Variants in ACTL8 observed in about 807,000 individuals in gnomAD.
ACTL8 encodes the protein actin-like protein 8.
ACTL8 carries 3 observed loss-of-function variants against 9.3 expected under a neutral mutation model. The observed-to-expected ratio is 0.32, with a 90% CI of 0.15 to 0.83. The LOEUF (loss-of-function observed/expected upper bound fraction) is 0.83. ACTL8 is among the 40% of genes least tolerant of loss of function. The pLI is 0.57. For missense variants in ACTL8, 381 were observed against 492.2 expected (o/e 0.77, Z 2.14); for synonymous variants, 224 against 205.9 (o/e 1.09, Z -0.75).
chr1:17,763,113 A>G (rs991541120), intron 1 of ACTL8, among the ~76,000 whole-genome samples: 4 of 152,180 alleles, frequency 2.6e-5, no homozygotes, highest in African/African-American at 9.7e-5. Flanking sequence ...TCCTGCAATG[A>G]AAGAGCCTGG....
At position 17,823,909 on chromosome 1, in the gene ACTL8, A is replaced by G. The variant is rs138019375; in HGVS notation, c.348+553A>G. On this transcript the variant is annotated intron_variant, in intron 2 of 2. Coordinates refer to ENST00000375406, the MANE Select transcript of ACTL8 (RefSeq NM_030812.3). The surrounding 1 kb of genome is among the most constrained non-coding windows in gnomAD (Gnocchi z 5.3). Reference sequence around the variant, plus strand: ...AAAGGGGGTTACCAGGGAGACGTGGAATATTTGCTTATGGATTCCATAATT... The same window carrying G: ...AAAGGGGGTTACCAGGGAGACGTGGGATATTTGCTTATGGATTCCATAATT... Among the ~76,000 whole-genome samples, 536 of 152,302 alleles carry G rather than the reference A, an allele frequency of 3.5e-3. 4 individuals carry two copies. Among genetic ancestry groups the G allele is most frequent in the African/African-American group, 0.012 (507 of 41,560 alleles).
In ACTL8 at chr1:17,819,653, G is replaced by C. The variant is rs1317465975; in HGVS notation, c.-24-3332G>C. ...AGTCTAGGCACCCAGTCTGCTGTCT[G>C]TCTGACAATTTGTATTCTGCAAGAT... is the stretch of plus-strand genomic sequence containing the variant. On this transcript the variant is annotated intron_variant, in intron 1 of 2. Transcript: ENST00000375406. 5.3e-5 allele frequency among the ~76,000 whole-genome samples: 8 copies of C among 152,346 alleles called. No individual in the cohort carries two copies. The East Asian group carries it at 1.5e-3, about 29-fold the overall frequency.
rs188296242 is a variant in ACTL8, at chr1:17,784,475, C to G, written c.-25+28971C>G. ...ATTAGAAAGCGAGTTCCATTGTCCT[C>G]TGTGGGTGAAGAACAAGTACCATAT... On this transcript the variant is annotated intron_variant, in intron 1 of 2. Transcript: ENST00000375406. 6.9e-4 allele frequency among the ~76,000 whole-genome samples: 105 copies of G among 152,318 alleles called. 1 individual carries two copies. The highest frequency in any genetic ancestry group is 2.5e-3 in the African/African-American group (102 of 41,562).
At chr1:17,811,157 A>G (rs573644445) in intron 1 of ACTL8, among the ~76,000 whole-genome samples, 1 of 152,286 alleles carries the variant, frequency 6.6e-6, no homozygotes, top group East Asian at 1.9e-4. Flanking sequence ...ATTGTCCTTA[A>G]AATTTTATGG....
At chr1:17,825,654 C>A in intron 2 of ACTL8, 113 bp from the exon 3 acceptor site, 3 of 1,373,276 alleles carry the variant, frequency 2.2e-6, no homozygotes, top group Non-Finnish European at 2.9e-6. Context: ...CTGGGCGCAG[C>A]ATCCTGGGGC....
intron 1 of ACTL8, among the ~76,000 whole-genome samples, chr1:17,792,062 A>G (rs760818195): frequency 3.3e-5 from 5 of 152,132 alleles, no homozygotes; most frequent in Admixed American, 6.5e-5. Context: ...CTTAACCCCA[A>G]TGGGCCCCTC....
intron 1 of ACTL8, among the ~76,000 whole-genome samples, chr1:17,821,187 A>G (rs1195743734): frequency 6.6e-6 from 1 of 151,824 alleles, no homozygotes; most frequent in East Asian, 1.9e-4. Flanking sequence ...TATTAAATAT[A>G]TGATTTGTAA....
intron 1 of ACTL8, among the ~76,000 whole-genome samples, chr1:17,799,238 A>G (rs11582475): frequency 0.16 from 24,935 of 152,202 alleles, 2,789 homozygotes; most frequent in African/African-American, 0.31. Context: ...GCTCACTCCC[A>G]CCAGCGGGGT....
In ACTL8 at chr1:17,767,113, AC is replaced by A. The variant is rs893245859; in HGVS notation, c.-25+11610del. The stretch of plus-strand genomic sequence containing the variant: ...CAGTGGTCAGGGACGGGGGAAGCAG[AC>A]ACCTGAGGGGGAAGCGAGACGGGTG... On this transcript the variant is annotated intron_variant, in intron 1 of 2. Transcript: ENST00000375406. The surrounding 1 kb of genome is among the most constrained non-coding windows in gnomAD (Gnocchi z 4.7). 6.6e-6 allele frequency among the ~76,000 whole-genome samples: 1 copy of A among 152,134 alleles called. No individual in the cohort carries two copies. The highest frequency in any genetic ancestry group is 2.4e-5 in the African/African-American group (1 of 41,448).
Position 17,758,553 on chromosome 1 carries a change from T to C in ACTL8, c.-25+3049T>C, listed in dbSNP as rs562317747. 3.3e-5 allele frequency among the ~76,000 whole-genome samples: 5 copies of C among 152,278 alleles called. No individual in the cohort carries two copies. The South Asian group carries it at 8.3e-4, about 25-fold the overall frequency. On this transcript the variant is annotated intron_variant, in intron 1 of 2. Coordinates refer to ENST00000375406, the MANE Select transcript of ACTL8 (RefSeq NM_030812.3). ...CCTGCATCATTGCCATAAATACTTA[T>C]TGTAAATCTTCCTCCAAACCTTCCT...
chr1:17,796,059 G>A (rs1484906523), intron 1 of ACTL8, among the ~76,000 whole-genome samples: 1 of 152,158 alleles, frequency 6.6e-6, no homozygotes, highest in East Asian at 1.9e-4. Context: ...TCTGCTCAGT[G>A]GGGGCTGCTG....
intron 1 of ACTL8, among the ~76,000 whole-genome samples, chr1:17,806,748 G>A (rs1449619256): frequency 6.6e-6 from 1 of 152,234 alleles, no homozygotes; most frequent in Admixed American, 6.5e-5. Flanking sequence ...AGATTCTTCT[G>A]CAGAGCCCTG....
At chr1:17,805,740 G>A (rs1221933071) in intron 1 of ACTL8, among the ~76,000 whole-genome samples, 1 of 152,198 alleles carries the variant, frequency 6.6e-6, no homozygotes, top group African/African-American at 2.4e-5. Context: ...TCCAATGTCA[G>A]CTTCCTTAGG....
At chr1:17,788,520 C>G (rs1437851860) in intron 1 of ACTL8, among the ~76,000 whole-genome samples, 1 of 152,224 alleles carries the variant, frequency 6.6e-6, no homozygotes, top group African/African-American at 2.4e-5. Flanking sequence ...CCATGGACGG[C>G]CTCATCCCTT....
At chr1:17,790,904 T>A (rs79650076) in intron 1 of ACTL8, among the ~76,000 whole-genome samples, 182 of 152,322 alleles carry the variant, frequency 1.2e-3, no homozygotes, top group African/African-American at 4.2e-3. Flanking sequence ...CCTGACCGTG[T>A]GCACATCTGG....
intron 1 of ACTL8, among the ~76,000 whole-genome samples, chr1:17,786,662 G>A (rs189576491): frequency 1.1e-3 from 164 of 152,214 alleles, no homozygotes; most frequent in Non-Finnish European, 1.8e-3. Flanking sequence ...CCTTCTTTAC[G>A]TACATATGCA....
At position 17,770,421 on chromosome 1, in the gene ACTL8, G is replaced by A. The variant is rs2066074966; in HGVS notation, c.-25+14917G>A. 3.3e-5 allele frequency among the ~76,000 whole-genome samples: 5 copies of A among 152,204 alleles called. No homozygotes were observed. The South Asian group carries it at 1.0e-3, about 32-fold the overall frequency. On this transcript the variant is annotated intron_variant, in intron 1 of 2. Coordinates refer to ENST00000375406, the MANE Select transcript of ACTL8 (RefSeq NM_030812.3). The stretch of plus-strand genomic sequence containing the variant: ...TTTGAAGCCAGTGGGCAGCCCAAGA[G>A]CAAGATTTATTGTCTCTCATAAATT...
At chr1:17,766,751 A>G (rs2066047149) in intron 1 of ACTL8, among the ~76,000 whole-genome samples, 1 of 152,216 alleles carries the variant, frequency 6.6e-6, no homozygotes, top group Admixed American at 6.5e-5. Context: ...CGTAGTCTTC[A>G]GAGACCAAGC....
intron 1 of ACTL8, among the ~76,000 whole-genome samples, chr1:17,809,940 C>T (rs2066383299): frequency 6.6e-6 from 1 of 152,152 alleles, no homozygotes; most frequent in African/African-American, 2.4e-5. Flanking sequence ...TCACTGGTGC[C>T]AAAAAGGTTG....
Sources: allele counts gnomAD v4.1 joint callset (sites outside exome capture counted in the v4.1 genomes callset), GRCh38; gene constraint gnomAD v4.1.1; non-coding constraint Gnocchi (gnomAD v3.1); transcripts MANE v1.5; gene names NCBI Gene and HGNC (gene_info 2026-07-23, HGNC 2026-07-21).